The following SDK2 variants were observed in gnomAD, a reference collection of about 807,000 sequenced individuals.
SDK2 encodes protein sidekick-2.
In SDK2, 105 loss-of-function variants were observed where a neutral mutation model predicts 253.9. That is an observed-to-expected ratio of 0.41 (90% CI 0.35 to 0.49). The LOEUF is 0.49. Ranked by LOEUF, SDK2 falls within the 20% of genes least tolerant of loss-of-function variation. The pLI is 0.06. For synonymous variants in SDK2, 1,249 were observed against 1,234.9 expected, an observed-to-expected ratio of 1.01 and a Z score of -0.24; for missense variants, 2,608 against 3,003.0, an observed-to-expected ratio of 0.87 and a Z score of 3.07.
intron 1 of SDK2, among the ~76,000 whole-genome samples, chr17:73,589,782 C>A (rs777142025): frequency 6.6e-6 from 1 of 152,236 alleles, no homozygotes; most frequent in East Asian, 1.9e-4. Flanking sequence ...GGAGGCAAGC[C>A]GCACATTTGG....
At chr17:73,397,945 G>C in intron 24 of SDK2, 90 bp downstream of exon 24, 3 of 1,384,974 alleles carry the variant, frequency 2.2e-6, no homozygotes, top group Non-Finnish European at 3.0e-6. Context: ...GAGGAGAAAG[G>C]AGCTGTAGGA....
rs149624554 is a variant in SDK2, at chr17:73,390,464, G to A, written c.4015C>T (p.Arg1339Trp). 4.1e-5 allele frequency: 66 copies of A among 1,611,874 alleles called. No individual in the cohort carries two copies. Among genetic ancestry groups the A allele is most frequent in the South Asian group, 5.5e-5 (5 of 90,768 alleles). The change falls in exon 29 of 45, where the codon CGG becomes TGG. Residue 1339 changes from arginine to tryptophan, a missense_variant. Transcript: ENST00000392650. ...GIILAYQITH[R>W]LNTTTANTAT... ...GTGTTGGCCGTGGTGGTGTTGAGCC[G>A]GTGTGTGATCTGGTAAGCTGTGGGA...
intron 18 of SDK2, among the ~76,000 whole-genome samples, chr17:73,403,088 T>G (rs1242222044): frequency 1.3e-5 from 2 of 152,182 alleles, no homozygotes; most frequent in Non-Finnish European, 2.9e-5. Flanking sequence ...CATGAGCCGC[T>G]GTGCCCAGCC....
chr17:73,500,578 C>A (rs1306290379), intron 2 of SDK2, among the ~76,000 whole-genome samples: 1 of 147,930 alleles, frequency 6.8e-6, no homozygotes, highest in East Asian at 2.0e-4. Flanking sequence ...TCCCTCTGTT[C>A]TCCTCCATCC....
chr17:73,600,520 C>A (rs1433571371), intron 1 of SDK2, among the ~76,000 whole-genome samples: 3 of 152,146 alleles, frequency 2.0e-5, no homozygotes, highest in Non-Finnish European at 4.4e-5. Context: ...CAGGGCTTCT[C>A]TGGGGCAGAG....
intron 1 of SDK2, among the ~76,000 whole-genome samples, chr17:73,594,099 G>A (rs1192032186): frequency 1.3e-5 from 2 of 152,178 alleles, no homozygotes; most frequent in Non-Finnish European, 2.9e-5. Context: ...CTCAAAAACT[G>A]TTTCCCCAAA....
intron 2 of SDK2, 43 bp from the exon 3 acceptor site, chr17:73,472,261 G>T (rs546809059): frequency 6.9e-7 from 1 of 1,440,432 alleles, no homozygotes; most frequent in African/African-American, 1.4e-5. Context: ...TCAGGCAGCT[G>T]CAGGGGTACA....
chr17:73,622,939 C>G (rs1019625118), intron 1 of SDK2, among the ~76,000 whole-genome samples: 2 of 152,200 alleles, frequency 1.3e-5, no homozygotes, highest in African/African-American at 2.4e-5. Context: ...TCCCCTTCAC[C>G]CATCCTGCAC....
chr17:73,509,979 A>G (rs1341016974), intron 1 of SDK2, among the ~76,000 whole-genome samples: 1 of 151,026 alleles, frequency 6.6e-6, no homozygotes, highest in Non-Finnish European at 1.5e-5. Flanking sequence ...AAGAAGAGGA[A>G]GGGGCTAGGG....
At position 73,361,702 on chromosome 17, in the gene SDK2, T is replaced by C. The variant is rs1189873973; in HGVS notation, c.5449A>G (p.Thr1817Ala). 1 of 1,611,748 alleles carries C rather than the reference T, an allele frequency of 6.2e-7. No homozygotes were observed. Among genetic ancestry groups the C allele is most frequent in the African/African-American group, 1.3e-5 (1 of 74,866 alleles). ...TYGPEIEANV[T>A]TGPGEGAPGP... ...CTCCTACCTTCTCCGGGGCCCGTGG[T>C]GACGTTGGCTTCGATCTCCGGCCCG... The change falls in exon 39 of 45, where the codon ACC becomes GCC. Residue 1817 changes from threonine to alanine, a missense_variant. This residue lies in a region of SDK2 where 1,103 missense variants were observed against 1,143.9 expected (regional missense o/e 0.96). Coordinates refer to ENST00000392650, the MANE Select transcript of SDK2 (RefSeq NM_001144952.2). This position sits in a 1 kb window ranked among gnomAD's most constrained non-coding sequence, Gnocchi z 4.1.
In SDK2 at chr17:73,415,833, G is replaced by A. The variant is rs1263570060; in HGVS notation, c.2346C>T (p.Val782=). ...TACCTCCCTGCAGCGTCCACTCGGTGACTTTACTGCTGTAGACCCCCAGCC... is the reference window on the plus strand; with the variant it reads ...TACCTCCCTGCAGCGTCCACTCGGTAACTTTACTGCTGTAGACCCCCAGCC... The part of the protein sequence containing the change: ...SAGLGVYSSK[V]TEWTLQGVPT... Residue 782 remains valine, a synonymous_variant, in exon 17 of 45, where the codon GTC becomes GTT. Coordinates refer to ENST00000392650, the MANE Select transcript of SDK2 (RefSeq NM_001144952.2). 1 of 1,555,082 alleles carries A rather than the reference G, an allele frequency of 6.4e-7. No individual in the cohort carries two copies. Among genetic ancestry groups the A allele is most frequent in the South Asian group, 1.2e-5 (1 of 84,228 alleles).
intron 24 of SDK2, among the ~76,000 whole-genome samples, chr17:73,396,489 G>C (rs1036783225): frequency 6.6e-6 from 1 of 151,108 alleles, no homozygotes; most frequent in Non-Finnish European, 1.5e-5. Context: ...CCTCACCTTC[G>C]GCCCCAACCT....
At chr17:73,599,020 G>T (rs1393097759) in intron 1 of SDK2, among the ~76,000 whole-genome samples, 1 of 152,230 alleles carries the variant, frequency 6.6e-6, no homozygotes, top group East Asian at 1.9e-4. Context: ...ACTTTTCCGG[G>T]TAAGGAGCGA....
At chr17:73,474,633 T>G (rs538151009) in intron 2 of SDK2, among the ~76,000 whole-genome samples, 2 of 152,272 alleles carry the variant, frequency 1.3e-5, no homozygotes, top group Admixed American at 6.5e-5. Context: ...GTGCCCAAGC[T>G]CTGGTAAATC....
At chr17:73,586,186 C>G (rs1461082403) in intron 1 of SDK2, among the ~76,000 whole-genome samples, 1 of 152,122 alleles carries the variant, frequency 6.6e-6, no homozygotes, top group Non-Finnish European at 1.5e-5. Flanking sequence ...TGTTAGCTCT[C>G]CTCCTCTTCC....
chr17:73,599,958 C>T (rs968092793), intron 1 of SDK2, among the ~76,000 whole-genome samples: 2 of 152,268 alleles, frequency 1.3e-5, no homozygotes, highest in Admixed American at 6.5e-5. Context: ...AAGTATGTGA[C>T]TGCTGTTGTG....
intron 1 of SDK2, among the ~76,000 whole-genome samples, chr17:73,542,289 C>G (rs766241202): frequency 6.6e-6 from 1 of 152,222 alleles, no homozygotes; most frequent in African/African-American, 2.4e-5. Flanking sequence ...ACTTGCCTGA[C>G]AGCAGCAGGG....
In SDK2 at chr17:73,462,027, ATGTT is replaced by A. The variant is rs568271011; in HGVS notation, c.332-5978_332-5975del. On this transcript the variant is annotated intron_variant, in intron 3 of 44. Transcript: ENST00000392650. ...AATGGTTGCATGTATGTATGCATGT[ATGTT>A]TGTATGATGTGATAGATGGTTGCTT... is the stretch of plus-strand genomic sequence containing the variant. Among the ~76,000 whole-genome samples, 545 of 151,820 alleles carry A rather than the reference ATGTT, an allele frequency of 3.6e-3. 2 individuals are homozygous for A. Among genetic ancestry groups the A allele is most frequent in the African/African-American group, 0.012 (508 of 41,342 alleles).
At chr17:73,582,773 C>A (rs976800551) in intron 1 of SDK2, among the ~76,000 whole-genome samples, 18 of 152,214 alleles carry the variant, frequency 1.2e-4, no homozygotes. Context: ...GGGTCTAGAT[C>A]TGTCCATCCA....
Sources: allele counts gnomAD v4.1 joint callset (sites outside exome capture counted in the v4.1 genomes callset), GRCh38; gene constraint gnomAD v4.1.1; regional missense constraint gnomAD v4.1.1; non-coding constraint Gnocchi (gnomAD v3.1); transcripts MANE v1.5; gene names NCBI Gene and HGNC (gene_info 2026-07-23, HGNC 2026-07-21).